SNX32: variants seen among roughly 807,000 people sequenced by gnomAD.
The protein encoded by SNX32 is sorting nexin 32.
Under a neutral mutation model 57.0 loss-of-function variants are expected in SNX32, and 58 were observed. The ratio of observed to expected loss-of-function variants is 1.02; its 90% CI spans 0.82 to 1.27. The LOEUF is 1.27. Among genes scored for constraint, SNX32 ranks in the 50% most tolerant of loss-of-function variants. The pLI is 0.00. For synonymous variants in SNX32, 262 were observed against 220.4 expected (o/e 1.19, Z -1.67); for missense variants, 589 against 541.2 (o/e 1.09, Z -0.88).
chr11:65,849,510 C>T lies in SNX32; in HGVS notation c.69C>T (p.Asp23=). 6.2e-7 allele frequency: 1 copy of T among 1,613,542 alleles called. No homozygotes were observed. Among genetic ancestry groups the T allele is most frequent in the East Asian group, 2.2e-5 (1 of 44,882 alleles). ...GTGCATCGGTGGATCTGCAGGGAGA[C>T]AGCTCCTTACAGGTGGAGATTTCTG... ...PSCASVDLQG[D]SSLQVEISDA... Residue 23 remains aspartate (D), a synonymous_variant, in exon 2 of 13, where the codon GAC becomes GAT. Coordinates refer to ENST00000308342, the MANE Select transcript of SNX32 (RefSeq NM_152760.3).
chr11:65,837,370 G>A (rs1858696215), intron 1 of SNX32, among the ~76,000 whole-genome samples: 1 of 152,084 alleles, frequency 6.6e-6, no homozygotes, highest in African/African-American at 2.4e-5. Flanking sequence ...GTGGGAGCTG[G>A]GCATAGTGAT....
chr11:65,840,803 CAAA>C (rs11375479), intron 1 of SNX32, among the ~76,000 whole-genome samples: 2 of 132,192 alleles, frequency 1.5e-5, no homozygotes. Context: ...GACCCTGTCT[CAAA>C]AAAAAAAAAA....
chr11:65,851,538 GAAGGA>G (rs1859196956), intron 8 of SNX32, 97 bp from the exon 9 acceptor site: 1 of 1,537,424 alleles, frequency 6.5e-7, no homozygotes, highest in African/African-American at 1.4e-5. Flanking sequence ...ATGGTGTTGG[GAAGGA>G]AAGGGGAGAG....
chr11:65,851,194 G>GC (rs779834473), intron 7 of SNX32, 34 bp downstream of exon 7: 58 of 1,605,256 alleles, frequency 3.6e-5, no homozygotes, highest in Non-Finnish European at 4.5e-5. Flanking sequence ...GGATCCCCCT[G>GC]CCCCTCTCCC....
chr11:65,833,974 G>C lies in SNX32; in HGVS notation c.-92G>C. The C allele has an allele frequency of 7.0e-7, 1 of 1,422,014 alleles. No individual in the cohort carries two copies. Among genetic ancestry groups the C allele is most frequent in the Non-Finnish European group, 9.6e-7 (1 of 1,042,916 alleles). The allele number at this position is 1,422,014 out of a possible 1,614,324, so 88.1% of individuals were successfully genotyped here. On this transcript the variant is annotated 5_prime_UTR_variant, in exon 1 of 13. Coordinates refer to ENST00000308342, the MANE Select transcript of SNX32 (RefSeq NM_152760.3). ...GGGAGAGCGTCCCCGTCAGCTGAGA[G>C]CATCCTCACTCGGTCAGTTCCTCGG...
At chr11:65,843,220 CAAA>C (rs11307931) in intron 1 of SNX32, among the ~76,000 whole-genome samples, 58 of 108,920 alleles carry the variant, frequency 5.3e-4, no homozygotes, top group South Asian at 9.0e-4. Context: ...GACTCCGTCT[CAAA>C]AAAAAAAAAA....
chr11:65,849,642 AG>A (rs11327250), intron 2 of SNX32, 60 bp downstream of exon 2: 1,383,638 of 1,383,662 alleles, frequency 1, 691,807 homozygotes, highest in Middle Eastern at 1. Flanking sequence ...GGCCTCCCCC[AG>A]GGGGTGGTAG....
rs147615662 is a variant in SNX32, at chr11:65,851,148, C to G, written c.697C>G (p.Arg233Gly). 3 of 1,612,540 alleles carry G rather than the reference C, an allele frequency of 1.9e-6. No individual in the cohort carries two copies. Among genetic ancestry groups the G allele is most frequent in the Non-Finnish European group, 2.5e-6 (3 of 1,179,934 alleles). The change falls in exon 7 of 13, where the codon CGC becomes GGC. Residue 233 changes from arginine to glycine, a missense_variant. Arg to Gly is a moderately radical substitution (Grantham distance 125, BLOSUM62 -2). Coordinates refer to ENST00000308342, the MANE Select transcript of SNX32 (RefSeq NM_152760.3). ...CTGCCTGCGGGCCGACCGCGTCATGCGCGCCCACAAGTGTACGCAGGGCCC... is the reference window on the plus strand; with the variant it reads ...CTGCCTGCGGGCCGACCGCGTCATGGGCGCCCACAAGTGTACGCAGGGCCC... ...DACLRADRVM[R>G]AHKCLADDYI...
At chr11:65,853,106 G>C in intron 12 of SNX32, 148 bp downstream of exon 12, 3 of 1,270,792 alleles carry the variant, frequency 2.4e-6, no homozygotes, top group Non-Finnish European at 2.3e-6. Context: ...GCTAAGGCTT[G>C]GGGCCATGCT....
rs918533960 is a variant in SNX32, at chr11:65,851,151, G to A, written c.700G>A (p.Ala234Thr). ...CCTGCGGGCCGACCGCGTCATGCGC[G>A]CCCACAAGTGTACGCAGGGCCCAAG... ...ACLRADRVMR[A>T]HKCLADDYIP... Residue 234 changes from alanine (A) to threonine (T), a missense_variant, in exon 7 of 13, where the codon GCC becomes ACC. By Grantham distance (58) the Ala-to-Thr change is moderately conservative (BLOSUM62 0). Coordinates refer to ENST00000308342, the MANE Select transcript of SNX32 (RefSeq NM_152760.3). 6.8e-6 allele frequency: 11 copies of A among 1,612,384 alleles called. No homozygotes were observed. The highest frequency in any genetic ancestry group is 6.7e-5 in the East Asian group (3 of 44,878).
intron 1 of SNX32, among the ~76,000 whole-genome samples, chr11:65,848,969 C>A (rs905482458): frequency 6.6e-5 from 10 of 151,972 alleles, no homozygotes; most frequent in Non-Finnish European, 1.5e-4. Flanking sequence ...CATAGTGAAA[C>A]CCCGTCTCTA....
rs1467153395 is a variant in SNX32 at position 65,850,459 on chromosome 11, G to C, written c.403G>C (p.Val135Leu). 2 of 1,614,098 alleles carry C rather than the reference G, an allele frequency of 1.2e-6. No individual in the cohort carries two copies. Among genetic ancestry groups the C allele is most frequent in the African/African-American group, 2.7e-5 (2 of 74,938 alleles). ...AEYLAIFKKT[V>L]AMHEVFLQRL... ...GTACCTGGCCATCTTTAAGAAGACAGTTGCGATGCACGAAGTCTTTCTGCA... is the reference window on the plus strand; with the variant it reads ...GTACCTGGCCATCTTTAAGAAGACACTTGCGATGCACGAAGTCTTTCTGCA... The change falls in exon 5 of 13, where the codon GTT becomes CTT. Residue 135 changes from valine to leucine, a missense_variant. Physicochemically the swap from Val to Leu is conservative, Grantham distance 32. Transcript: ENST00000308342.
At chr11:65,846,577 A>T (rs1859002993) in intron 1 of SNX32, among the ~76,000 whole-genome samples, 1 of 151,774 alleles carries the variant, frequency 6.6e-6, no homozygotes, top group Non-Finnish European at 1.5e-5. Context: ...GAAAAAAAAA[A>T]AAAAGAATAC....
intron 1 of SNX32, among the ~76,000 whole-genome samples, chr11:65,847,907 C>CAA (rs112552000): frequency 0.011 from 1,390 of 124,928 alleles, 19 homozygotes; most frequent in African/African-American, 0.038. Context: ...AAGATGCTAT[C>CAA]AAAAAAAAAA....
chr11:65,834,005 T>C lies in SNX32; in HGVS notation c.-61T>C. Reference sequence around the variant, plus strand: ...TCACTCGGTCAGTTCCTCGGGCGAGTTACGGGGACGACCTGCGGGAGCACG... The same window carrying C: ...TCACTCGGTCAGTTCCTCGGGCGAGCTACGGGGACGACCTGCGGGAGCACG... On this transcript the variant is annotated 5_prime_UTR_variant, in exon 1 of 13. Coordinates refer to ENST00000308342, the MANE Select transcript of SNX32 (RefSeq NM_152760.3). The C allele has an allele frequency of 6.5e-7, 1 of 1,539,822 alleles. No homozygotes were observed. The highest frequency in any genetic ancestry group is 1.2e-5 in the South Asian group (1 of 83,170).
chr11:65,835,322 G>A (rs1387510736), intron 1 of SNX32, among the ~76,000 whole-genome samples: 1 of 151,246 alleles, frequency 6.6e-6, no homozygotes, highest in Non-Finnish European at 1.5e-5. Context: ...GTCTTGATGG[G>A]GGTAGGTGGG....
intron 10 of SNX32, 30 bp downstream of exon 10, chr11:65,852,581 G>A (rs1859237485): frequency 1.2e-6 from 2 of 1,613,892 alleles, no homozygotes; most frequent in South Asian, 1.1e-5. Flanking sequence ...CAGCGCTCAG[G>A]CCCGGATGCC....
rs778130693 is a variant in SNX32, at chr11:65,852,896, C to A, written c.1096C>A (p.Arg366=). Residue 366 remains arginine (R), a synonymous_variant, in exon 12 of 13, where the codon CGG becomes AGG. Transcript: ENST00000308342. ...AGAGCTCATGGACTTCAAGTCCCGC[C>A]GGGTCTCCTCTTTTCGAAAGAATCT... ...KQELMDFKSR[R]VSSFRKNLIE... is the part of the protein sequence containing the mutation. 1.2e-6 allele frequency: 2 copies of A among 1,614,154 alleles called. No homozygotes were observed. The highest frequency in any genetic ancestry group is 8.5e-7 in the Non-Finnish European group (1 of 1,180,010).
At chr11:65,843,430 G>A (rs939166767) in intron 1 of SNX32, among the ~76,000 whole-genome samples, 7 of 151,642 alleles carry the variant, frequency 4.6e-5, no homozygotes. Context: ...TTAGCCAGGC[G>A]TTGTGGCGGG....
Sources: allele counts gnomAD v4.1 joint callset (sites outside exome capture counted in the v4.1 genomes callset), GRCh38; gene constraint gnomAD v4.1.1; transcripts MANE v1.5; gene names NCBI Gene and HGNC (gene_info 2026-07-23, HGNC 2026-07-21).